Variants in NYAP2 observed in about 807,000 individuals in gnomAD.
The protein encoded by NYAP2 is neuronal tyrosine-phosphorylated phosphoinositide-3-kinase adapter 2.
In NYAP2, 23 loss-of-function variants were observed where a neutral mutation model predicts 50.4. The ratio of observed to expected loss-of-function variants is 0.46; its 90% CI spans 0.33 to 0.65. NYAP2 has a LOEUF of 0.65. Ranked by LOEUF, NYAP2 falls within the 30% of genes least tolerant of loss-of-function variation. NYAP2 has a pLI of 0.02. For missense variants in NYAP2, 885 were observed against 861.0 expected, an observed-to-expected ratio of 1.03 and a Z score of -0.35; for synonymous variants, 394 against 365.2, an observed-to-expected ratio of 1.08 and a Z score of -0.90.
At chr2:225,496,045 A>G (rs1486245154) in intron 3 of NYAP2, among the ~76,000 whole-genome samples, 1 of 152,214 alleles carries the variant, frequency 6.6e-6, no homozygotes, top group Non-Finnish European at 1.5e-5. Context: ...GAGATGATTG[A>G]TCACAAAATT....
intron 6 of NYAP2, among the ~76,000 whole-genome samples, chr2:225,631,530 G>A (rs1175277723): frequency 6.6e-6 from 1 of 152,202 alleles, no homozygotes; most frequent in Non-Finnish European, 1.5e-5. Context: ...GCAAAACAGA[G>A]GGGCAAGTGT....
intron 4 of NYAP2, among the ~76,000 whole-genome samples, chr2:225,533,601 A>G (rs1056872336): frequency 1.3e-5 from 2 of 152,100 alleles, no homozygotes; most frequent in African/African-American, 2.4e-5. Context: ...AGACTGGAGG[A>G]TCACTTGAGC....
chr2:225,453,206 A>G (rs1000785225), intron 3 of NYAP2, among the ~76,000 whole-genome samples: 1 of 152,228 alleles, frequency 6.6e-6, no homozygotes, highest in African/African-American at 2.4e-5. Flanking sequence ...TGTTAATTTC[A>G]TATACCAAAA....
intron 3 of NYAP2, among the ~76,000 whole-genome samples, chr2:225,460,465 G>A (rs1689811595): frequency 1.3e-5 from 2 of 152,122 alleles, no homozygotes; most frequent in Non-Finnish European, 1.5e-5. Context: ...CATGCTGGGA[G>A]GTGGGTAATA....
chr2:225,660,105 T>C, the NYAP2 span, among the ~76,000 whole-genome samples: 1 of 152,108 alleles, frequency 6.6e-6, no homozygotes, highest in Non-Finnish European at 1.5e-5. Flanking sequence ...CAAATTGATT[T>C]CCCCCACCTT....
chr2:225,642,654 T>A (rs1693553123), intron 6 of NYAP2, among the ~76,000 whole-genome samples: 1 of 152,154 alleles, frequency 6.6e-6, no homozygotes, highest in African/African-American at 2.4e-5. Context: ...ACCAAAGGGA[T>A]AGAATAATCG....
intron 5 of NYAP2, among the ~76,000 whole-genome samples, chr2:225,604,156 G>A (rs1692744871): frequency 6.6e-6 from 1 of 152,114 alleles, no homozygotes; most frequent in South Asian, 2.1e-4. Context: ...AAGTGAAAGA[G>A]TGTGAAGAAA....
At chr2:225,692,561 G>A in the NYAP2 span, among the ~76,000 whole-genome samples, 1 of 151,974 alleles carries the variant, frequency 6.6e-6, no homozygotes, top group Non-Finnish European at 1.5e-5. Flanking sequence ...AAAGTGTGAC[G>A]TGTGTAGCAA....
At chr2:225,601,028 G>A (rs1345220114) in intron 5 of NYAP2, among the ~76,000 whole-genome samples, 2 of 152,016 alleles carry the variant, frequency 1.3e-5, no homozygotes, top group African/African-American at 4.8e-5. Context: ...GACATGAGTG[G>A]TGTATGATAA....
chr2:225,413,863 A>G (rs769367229), intron 3 of NYAP2, among the ~76,000 whole-genome samples: 16 of 152,224 alleles, frequency 1.1e-4, no homozygotes, highest in Non-Finnish European at 2.2e-4. Context: ...GAAAATCTAA[A>G]GATGGGGCAT....
intron 4 of NYAP2, among the ~76,000 whole-genome samples, chr2:225,547,785 A>G (rs898271876): frequency 6.6e-6 from 1 of 152,098 alleles, no homozygotes; most frequent in Non-Finnish European, 1.5e-5. Flanking sequence ...ATCATTGCTC[A>G]CCTGATTTTT....
chr2:225,671,015 C>CTT, the NYAP2 span, among the ~76,000 whole-genome samples: 1 of 152,138 alleles, frequency 6.6e-6, no homozygotes, highest in Non-Finnish European at 1.5e-5. Context: ...AGTAGAAGGT[C>CTT]TTTCCTCAGT....
At chr2:225,644,573 A>T (rs980261930) in intron 6 of NYAP2, among the ~76,000 whole-genome samples, 1 of 150,534 alleles carries the variant, frequency 6.6e-6, no homozygotes, top group African/African-American at 2.4e-5. Context: ...TTATGGTTTT[A>T]GGTCTAACGT....
intron 3 of NYAP2, among the ~76,000 whole-genome samples, chr2:225,454,986 C>T (rs1689717420): frequency 6.6e-6 from 1 of 151,876 alleles, no homozygotes; most frequent in Non-Finnish European, 1.5e-5. Flanking sequence ...AAGAGGGAGG[C>T]AAAAGTGTCA....
chr2:225,529,296 CTTTTGTTTGTT>C (rs1691209488), intron 4 of NYAP2, among the ~76,000 whole-genome samples: 1 of 151,960 alleles, frequency 6.6e-6, no homozygotes, highest in African/African-American at 2.4e-5. Context: ...GCTTGCCTAT[CTTTTGTTTGTT>C]TTTTGTTTTA....
At chr2:225,641,386 T>C (rs1482088628) in intron 6 of NYAP2, among the ~76,000 whole-genome samples, 1 of 150,500 alleles carries the variant, frequency 6.6e-6, no homozygotes, top group Non-Finnish European at 1.5e-5. Context: ...ATGTTTATTG[T>C]CATCTACTGT....
chr2:225,422,687 A>G (rs891966624), intron 3 of NYAP2, among the ~76,000 whole-genome samples: 4 of 152,212 alleles, frequency 2.6e-5, no homozygotes, highest in African/African-American at 9.6e-5. Flanking sequence ...TAGTCAATAC[A>G]AAATTTGCAA....
At chr2:225,533,950 C>G (rs1462522297) in intron 4 of NYAP2, among the ~76,000 whole-genome samples, 1 of 152,050 alleles carries the variant, frequency 6.6e-6, no homozygotes, top group Non-Finnish European at 1.5e-5. Flanking sequence ...GCAGGTTATC[C>G]TATGTTTCTA....
intron 2 of NYAP2, among the ~76,000 whole-genome samples, chr2:225,407,218 C>T (rs1694956290): frequency 1.3e-5 from 2 of 151,964 alleles, no homozygotes; most frequent in Non-Finnish European, 2.9e-5. Context: ...CCCCAAATTG[C>T]AATCATTTGT....
Sources: allele counts gnomAD v4.1 joint callset (sites outside exome capture counted in the v4.1 genomes callset), GRCh38; gene constraint gnomAD v4.1.1; transcripts MANE v1.5; gene names NCBI Gene and HGNC (gene_info 2026-07-23, HGNC 2026-07-21).